PCDHGA11: variants seen among roughly 807,000 people sequenced by gnomAD.
The protein encoded by PCDHGA11 is protocadherin gamma-A11.
In PCDHGA11, 39 loss-of-function variants were observed where a neutral mutation model predicts 60.4. That is an observed-to-expected ratio of 0.65 (90% CI 0.50 to 0.84). The LOEUF is 0.84. Ranked by LOEUF, PCDHGA11 falls within the 40% of genes least tolerant of loss-of-function variation. The pLI is 0.00. For synonymous variants in PCDHGA11, 533 were observed against 510.3 expected (o/e 1.04, Z -0.60); for missense variants, 1,165 against 1,197.7 (o/e 0.97, Z 0.40).
intron 2 of PCDHGA11, among the ~76,000 whole-genome samples, chr5:141,501,136 G>A (rs909142955): frequency 6.6e-6 from 1 of 152,090 alleles, no homozygotes; most frequent in Non-Finnish European, 1.5e-5. Context: ...CTAAGTGCTG[G>A]GATTACAGGT....
intron 1 of PCDHGA11, among the ~76,000 whole-genome samples, chr5:141,436,720 A>G (rs1337926057): frequency 1.5e-4 from 23 of 152,216 alleles, no homozygotes; most frequent in Non-Finnish European, 3.4e-4. Context: ...TCTGTTGGGA[A>G]AAATAATAAT....
intron 1 of PCDHGA11, chr5:141,439,735 G>A (rs1317592646): frequency 1.3e-5 from 2 of 152,360 alleles, no homozygotes; most frequent in Non-Finnish European, 2.9e-5. Flanking sequence ...AGCAGGAACG[G>A]AACGGATTTA....
At position 141,477,483 on chromosome 5, in the gene PCDHGA11, A is replaced by T; in HGVS notation, c.2434-17324A>T. ...TCCGACATCAATGACAACCCTCCAC[A>T]ATCTTCTCAATCTTCCTACGACGTT... On this transcript the variant is annotated intron_variant, in intron 1 of 3. Coordinates refer to ENST00000398587, the MANE Select transcript of PCDHGA11 (RefSeq NM_018914.3). The surrounding 1 kb of genome is among the most constrained non-coding windows in gnomAD (Gnocchi z 4.9). 1 of 1,614,028 alleles carries T rather than the reference A, an allele frequency of 6.2e-7. No homozygotes were observed.
In PCDHGA11 at chr5:141,485,013, C is replaced by A. The variant is rs551059588; in HGVS notation, c.2434-9794C>A. ...GTGAAAGGCAGACAAATCTACCCCG[C>A]CACCAGCAAAAACGGCGCGTAACCC... On this transcript the variant is annotated intron_variant, in intron 1 of 3. Coordinates refer to ENST00000398587, the MANE Select transcript of PCDHGA11 (RefSeq NM_018914.3). This position sits in a 1 kb window ranked among gnomAD's most constrained non-coding sequence, Gnocchi z 5.7. The A allele has an allele frequency of 6.3e-6, 4 of 634,556 alleles. No homozygotes were observed. Among genetic ancestry groups the A allele is most frequent in the South Asian group, 3.9e-5 (2 of 51,594 alleles). The allele number at this position is 634,556 out of a possible 1,614,324, so 39.3% of individuals were successfully genotyped here. A position where few individuals can be genotyped will look rare whatever the true frequency, so the allele number is the denominator to read the frequency against.
At chr5:141,443,547 T>C (rs1210940890) in intron 1 of PCDHGA11, among the ~76,000 whole-genome samples, 2 of 152,192 alleles carry the variant, frequency 1.3e-5, no homozygotes, top group Non-Finnish European at 2.9e-5. Context: ...TGGGAAATTG[T>C]TCCAATTCAA....
chr5:141,472,337 C>T (rs1327386198), intron 1 of PCDHGA11, among the ~76,000 whole-genome samples: 1 of 151,764 alleles, frequency 6.6e-6, no homozygotes, highest in Non-Finnish European at 1.5e-5. Context: ...GTTGGGAGAT[C>T]GAGACCATCC....
chr5:141,433,358 C>CCTATCTATCTATCTATCTAT (rs3074541), intron 1 of PCDHGA11: 39 of 504,044 alleles, frequency 7.7e-5, no homozygotes, highest in Admixed American at 1.8e-4. Context: ...CTACTGTCTG[C>CCTATCTATCTATCTATCTAT]CTATCTATCT....
rs754836894 is a variant in PCDHGA11, at chr5:141,432,969, C to A, written c.2433+9309C>A. 6.2e-7 allele frequency: 1 copy of A among 1,614,148 alleles called. No individual in the cohort carries two copies. Among genetic ancestry groups the A allele is most frequent in the East Asian group, 2.2e-5 (1 of 44,852 alleles). ...GGAGGCGGCTTGACAGGAGCGCCGG[C>A]GTCGCACTTTGTGGGCGTGGACGGG... is the stretch of plus-strand genomic sequence containing the variant. On this transcript the variant is annotated intron_variant, in intron 1 of 3. Coordinates refer to ENST00000398587, the MANE Select transcript of PCDHGA11 (RefSeq NM_018914.3). This position sits in a 1 kb window ranked among gnomAD's most constrained non-coding sequence, Gnocchi z 6.0.
At chr5:141,455,389 G>C (rs1190144149) in intron 1 of PCDHGA11, among the ~76,000 whole-genome samples, 1 of 152,114 alleles carries the variant, frequency 6.6e-6, no homozygotes, top group Non-Finnish European at 1.5e-5. Flanking sequence ...GAAGGAAGGA[G>C]CTCCCCCTTA....
chr5:141,430,763 A>C, intron 1 of PCDHGA11: 1 of 1,506,248 alleles, frequency 6.6e-7, no homozygotes, highest in Non-Finnish European at 8.9e-7. Flanking sequence ...GATAAGAATG[A>C]TTCCTGCGCG....
At position 141,473,628 on chromosome 5, in the gene PCDHGA11, A is replaced by T. The variant is rs533175704; in HGVS notation, c.2434-21179A>T. The stretch of plus-strand genomic sequence containing the variant: ...AAAGCAAAGGGAGGGAGGAAAAAGC[A>T]GCTTTCCTGGCAAAGGAACAATTTG... On this transcript the variant is annotated intron_variant, in intron 1 of 3. Transcript: ENST00000398587. 4.6e-5 allele frequency among the ~76,000 whole-genome samples: 7 copies of T among 152,334 alleles called. No individual in the cohort carries two copies. In the South Asian group the frequency reaches 1.4e-3, roughly 32 times the overall value.
chr5:141,468,790 C>T (rs1215557602), intron 1 of PCDHGA11, among the ~76,000 whole-genome samples: 10 of 151,564 alleles, frequency 6.6e-5, no homozygotes, highest in African/African-American at 2.2e-4. Context: ...GGCGTGAACC[C>T]GGGAGGCGGA....
chr5:141,502,039 G>T (rs2099812498), intron 2 of PCDHGA11, among the ~76,000 whole-genome samples: 1 of 152,126 alleles, frequency 6.6e-6, no homozygotes, highest in South Asian at 2.1e-4. Context: ...CCGCTTGCCT[G>T]CTCTCCCTAC....
chr5:141,421,080 C>G lies in PCDHGA11; in HGVS notation c.-148C>G. On this transcript the variant is annotated 5_prime_UTR_variant, in exon 1 of 4. Coordinates refer to ENST00000398587, the MANE Select transcript of PCDHGA11 (RefSeq NM_018914.3). Reference sequence around the variant, plus strand: ...CACAAAGCGGAATGAGATGGATACTCACAGATCCTGACACTGGAGACTTAG... The same window carrying G: ...CACAAAGCGGAATGAGATGGATACTGACAGATCCTGACACTGGAGACTTAG... 1.6e-6 allele frequency: 1 copy of G among 638,368 alleles called. No individual in the cohort carries two copies. Among genetic ancestry groups the G allele is most frequent in the South Asian group, 2.1e-5 (1 of 48,380 alleles). 39.5% of individuals were successfully genotyped at this position (638,368 alleles called of 1,614,324 possible). A position where few individuals can be genotyped will look rare whatever the true frequency, so the allele number is the denominator to read the frequency against.
Position 141,489,267 on chromosome 5 carries a change from C to G in PCDHGA11, c.2434-5540C>G. 6.4e-7 allele frequency: 1 copy of G among 1,553,302 alleles called. No homozygotes were observed. Among genetic ancestry groups the G allele is most frequent in the Non-Finnish European group, 8.7e-7 (1 of 1,149,864 alleles). The stretch of plus-strand genomic sequence containing the variant: ...TGGGGCCCAAGACACTCCCACAGCT[C>G]GCTGGGAAATGGCAAGTGCTGTGCA... On this transcript the variant is annotated intron_variant, in intron 1 of 3. Coordinates refer to ENST00000398587, the MANE Select transcript of PCDHGA11 (RefSeq NM_018914.3). The surrounding 1 kb of genome is among the most constrained non-coding windows in gnomAD (Gnocchi z 4.5).
At position 141,486,415 on chromosome 5, in the gene PCDHGA11, T is replaced by C. The variant is rs745877804; in HGVS notation, c.2434-8392T>C. On this transcript the variant is annotated intron_variant, in intron 1 of 3. Transcript: ENST00000398587. The surrounding 1 kb of genome is among the most constrained non-coding windows in gnomAD (Gnocchi z 5.0). ...CCCTGGTGACTGCTGGACCCTTGGA[T>C]CGAGAGGCCAAATCTAGCTATGACA... 6.2e-7 allele frequency: 1 copy of C among 1,614,176 alleles called. No individual in the cohort carries two copies. The highest frequency in any genetic ancestry group is 8.5e-7 in the Non-Finnish European group (1 of 1,180,022).
chr5:141,434,277 A>G (rs760937958), intron 1 of PCDHGA11, among the ~76,000 whole-genome samples: 4 of 152,172 alleles, frequency 2.6e-5, no homozygotes, highest in Non-Finnish European at 4.4e-5. Flanking sequence ...AATTAGAGGT[A>G]TTCTCTGTTT....
intron 1 of PCDHGA11, among the ~76,000 whole-genome samples, chr5:141,448,751 T>C (rs888567097): frequency 1.3e-5 from 2 of 151,804 alleles, no homozygotes; most frequent in South Asian, 4.2e-4. Context: ...CCATCCTGGC[T>C]AACACGGTGA....
chr5:141,491,119 G>A lies in PCDHGA11; in HGVS notation c.2434-3688G>A. 6.2e-7 allele frequency: 1 copy of A among 1,614,216 alleles called. No individual in the cohort carries two copies. The highest frequency in any genetic ancestry group is 1.1e-5 in the South Asian group (1 of 91,086). ...GTTCCTCGTGTCTACACACACTGGT[G>A]AGGTGCGCACAGCCCGGGCCTTACT... On this transcript the variant is annotated intron_variant, in intron 1 of 3. Transcript: ENST00000398587. The surrounding 1 kb of genome is among the most constrained non-coding windows in gnomAD (Gnocchi z 6.9).
Sources: gnomAD v4.1 joint callset for allele counts (sites outside exome capture counted in the v4.1 genomes callset) on GRCh38, gnomAD v4.1.1 for gene constraint, Gnocchi (gnomAD v3.1) non-coding constraint, MANE v1.5 for transcripts, NCBI Gene and HGNC (gene_info 2026-07-23, HGNC 2026-07-21) for gene names.